GYG2: variants seen among roughly 807,000 people sequenced by gnomAD.
The protein encoded by GYG2 is glycogenin-2.
In GYG2, 29 loss-of-function variants were observed where a neutral mutation model predicts 29.4. That is an observed-to-expected ratio of 0.99 (90% CI 0.74 to 1.35). The LOEUF (loss-of-function observed/expected upper bound fraction) is 1.35. Among genes scored for constraint, GYG2 ranks in the 40% most tolerant of loss-of-function variants. The pLI, the probability that GYG2 is intolerant of heterozygous loss-of-function variation, is 0.00. For missense variants in GYG2, 370 were observed against 385.7 expected, an observed-to-expected ratio of 0.96 and a Z score of 0.34; for synonymous variants, 167 against 172.3, an observed-to-expected ratio of 0.97 and a Z score of 0.24.
At chrX:2,836,697 A>T (rs2087380256) in intron 2 of GYG2, among the ~76,000 whole-genome samples, 1 of 101,835 alleles carries the variant, frequency 9.8e-6, no homozygotes, top group South Asian at 4.7e-4. Flanking sequence ...AAAAAAAGCC[A>T]GGCACAGAAG....
intron 5 of GYG2, among the ~76,000 whole-genome samples, chrX:2,856,220 C>G (rs144314651): frequency 9.0e-6 from 1 of 111,186 alleles, no homozygotes; most frequent in East Asian, 2.8e-4. Context: ...ATTAGGGGAC[C>G]AGTGGAATGC....
At chrX:2,872,663 G>A (rs780162482) in intron 8 of GYG2, among the ~76,000 whole-genome samples, 9 of 112,539 alleles carry the variant, frequency 8.0e-5, no homozygotes, top group East Asian at 2.8e-4. Context: ...ACTTATTTAT[G>A]TGTTTATCGT....
At chrX:2,873,396 A>G (rs2088520183) in intron 8 of GYG2, among the ~76,000 whole-genome samples, 1 of 112,355 alleles carries the variant, frequency 8.9e-6, no homozygotes, top group Non-Finnish European at 1.9e-5. Context: ...ACTGACAAAT[A>G]AAAATTGGTG....
intron 10 of GYG2, 147 bp from the exon 11 acceptor site, chrX:2,880,905 T>C: frequency 2.0e-6 from 1 of 509,231 alleles, no homozygotes; most frequent in Middle Eastern, 4.7e-4. Context: ...CCTGTCTCAT[T>C]AAAAACAAAG....
chrX:2,832,385 C>G (rs1455720543), intron 2 of GYG2, among the ~76,000 whole-genome samples: 1 of 93,623 alleles, frequency 1.1e-5, no homozygotes, highest in East Asian at 3.6e-4. Flanking sequence ...TCCAGTAGTT[C>G]CATAAAACTC....
chrX:2,865,704 G>A (rs966360715), intron 8 of GYG2, among the ~76,000 whole-genome samples: 8 of 111,473 alleles, frequency 7.2e-5, no homozygotes, highest in African/African-American at 2.6e-4. Context: ...CCCCAGTTAG[G>A]TGGTGTCTAT....
intron 3 of GYG2, among the ~76,000 whole-genome samples, chrX:2,851,309 G>A (rs1012295908): frequency 9.0e-6 from 1 of 111,578 alleles, no homozygotes; most frequent in Non-Finnish European, 1.9e-5. Flanking sequence ...GCAGTGGCAC[G>A]ATCTCAGCTC....
chrX:2,880,931 A>G (rs924243826), intron 10 of GYG2, 121 bp from the exon 11 acceptor site: 3 of 591,095 alleles, frequency 5.1e-6, no homozygotes, highest in South Asian at 5.7e-5. Context: ...GTGATTCGCA[A>G]TCTCTTTTTG....
chrX:2,830,456 A>G (rs1249972964), intron 2 of GYG2, among the ~76,000 whole-genome samples: 1 of 111,840 alleles, frequency 8.9e-6, no homozygotes, highest in Admixed American at 9.5e-5. Context: ...TAGTCCTGAA[A>G]CTTTCAATGG....
intron 8 of GYG2, among the ~76,000 whole-genome samples, chrX:2,863,763 A>G (rs1476258228): frequency 8.9e-6 from 1 of 111,757 alleles, no homozygotes; most frequent in Non-Finnish European, 1.9e-5. Context: ...TGCCCTGAGC[A>G]TACCATAGCC....
intron 2 of GYG2, among the ~76,000 whole-genome samples, chrX:2,841,311 G>A (rs1445412990): frequency 6.5e-5 from 7 of 108,351 alleles, no homozygotes; most frequent in Non-Finnish European, 9.7e-5. Context: ...ATGGATGAAT[G>A]GATGGATAGA....
chrX:2,834,965 G>A (rs764963524), intron 2 of GYG2, among the ~76,000 whole-genome samples: 6 of 111,481 alleles, frequency 5.4e-5, no homozygotes, highest in South Asian at 3.8e-4. Flanking sequence ...AGGAGGTCCC[G>A]ACAACATGGG....
intron 3 of GYG2, among the ~76,000 whole-genome samples, chrX:2,846,498 C>G (rs1349814862): frequency 1.8e-5 from 2 of 111,033 alleles, no homozygotes; most frequent in African/African-American, 6.5e-5. Context: ...AACAAATCTT[C>G]AGGGAGGCCA....
intron 8 of GYG2, among the ~76,000 whole-genome samples, chrX:2,871,428 C>T (rs1251643863): frequency 5.4e-5 from 6 of 110,323 alleles, no homozygotes; most frequent in Admixed American, 3.9e-4. Context: ...GTGGCTCACA[C>T]GTGTAATGCC....
chrX:2,869,199 C>T (rs764782377), intron 8 of GYG2, among the ~76,000 whole-genome samples: 22 of 112,208 alleles, frequency 2.0e-4, no homozygotes, highest in African/African-American at 6.1e-4. Flanking sequence ...CTAAACAATA[C>T]GACATAGCAG....
At chrX:2,867,063 C>G in intron 8 of GYG2, among the ~76,000 whole-genome samples, 1 of 111,648 alleles carries the variant, frequency 9.0e-6, no homozygotes, top group African/African-American at 3.3e-5. Flanking sequence ...TAGAAGCTGT[C>G]CCTGTCTGGG....
At chrX:2,851,082 T>C (rs1278268459) in intron 3 of GYG2, among the ~76,000 whole-genome samples, 2 of 112,077 alleles carry the variant, frequency 1.8e-5, no homozygotes, top group African/African-American at 6.5e-5. Context: ...GCTTTCTGAA[T>C]GGGAAAATAA....
chrX:2,879,918 G>A (rs2088683395), intron 10 of GYG2, among the ~76,000 whole-genome samples: 1 of 111,053 alleles, frequency 9.0e-6, no homozygotes, highest in Non-Finnish European at 1.9e-5. Context: ...CAGATGGATG[G>A]ATGGATGGAT....
intron 8 of GYG2, among the ~76,000 whole-genome samples, chrX:2,869,422 G>C (rs755405164): frequency 9.0e-6 from 1 of 111,097 alleles, no homozygotes; most frequent in African/African-American, 3.3e-5. Flanking sequence ...TCGTACTCCC[G>C]GTGGTCTTTG....
Sources: gnomAD v4.1 joint callset for allele counts (sites outside exome capture counted in the v4.1 genomes callset) on GRCh38, gnomAD v4.1.1 for gene constraint, MANE v1.5 for transcripts, NCBI Gene and HGNC (gene_info 2026-07-23, HGNC 2026-07-21) for gene names.